CCDC88C: variants seen among roughly 807,000 people sequenced by gnomAD.
CCDC88C encodes the protein coiled-coil and HOOK domain protein 88C, also known as protein Daple.
CCDC88C carries 131 observed loss-of-function variants against 198.8 expected under a neutral mutation model. The ratio of observed to expected loss-of-function variants is 0.66; its 90% CI spans 0.57 to 0.76. The LOEUF is 0.76. Among genes scored for constraint, CCDC88C ranks in the 30% least tolerant of loss-of-function variants. CCDC88C has a pLI of 0.00. For missense variants in CCDC88C, 2,553 were observed against 2,631.6 expected, an observed-to-expected ratio of 0.97 and a Z score of 0.65; for synonymous variants, 1,166 against 1,114.7, an observed-to-expected ratio of 1.05 and a Z score of -0.92.
rs1468946501 is a variant in CCDC88C at position 91,307,052 on chromosome 14, C to T, written c.3181G>A (p.Glu1061Lys). ...ELLRVKDRAIELERNNAALQA... is the reference protein window; with the variant it reads ...ELLRVKDRAIKLERNNAALQA... ...AGCCCACTCACATTCCGCTCCAGCTCGATGGCCCGGTCCTTCACTCGGAGA... is the reference window on the plus strand; with the variant it reads ...AGCCCACTCACATTCCGCTCCAGCTTGATGGCCCGGTCCTTCACTCGGAGA... The change falls in exon 18 of 30, where the codon GAG becomes AAG. Residue 1061 changes from glutamate (E) to lysine (K), a missense_variant. Around this residue, in one of 2 missense-constraint regions of CCDC88C, gnomAD observed 1,260 missense variants for 1,412.0 expected, o/e 0.89. Coordinates refer to ENST00000389857, the MANE Select transcript of CCDC88C (RefSeq NM_001080414.4). 7.4e-6 allele frequency: 12 copies of T among 1,611,942 alleles called. No homozygotes were observed. The highest frequency in any genetic ancestry group is 6.7e-5 in the African/African-American group (5 of 75,034).
intron 4 of CCDC88C, among the ~76,000 whole-genome samples, chr14:91,354,580 C>T (rs1409956124): frequency 1.3e-5 from 2 of 152,212 alleles, no homozygotes; most frequent in African/African-American, 2.4e-5. Flanking sequence ...GAATGAATCT[C>T]ACTTGACCCT....
intron 10 of CCDC88C, among the ~76,000 whole-genome samples, chr14:91,335,369 C>T (rs1399105206): frequency 2.6e-5 from 4 of 152,260 alleles, no homozygotes; most frequent in Admixed American, 2.0e-4. Flanking sequence ...CACCTCTCAC[C>T]GTCCACCCAG....
chr14:91,285,497 A>G (rs1312190922), intron 25 of CCDC88C: 6 of 501,824 alleles, frequency 1.2e-5, no homozygotes, highest in African/African-American at 4.0e-5. Context: ...GTGACAACTC[A>G]TCTTCTATTT....
chr14:91,375,250 C>A (rs934427007), intron 3 of CCDC88C, among the ~76,000 whole-genome samples: 1 of 152,078 alleles, frequency 6.6e-6, no homozygotes, highest in Non-Finnish European at 1.5e-5. Flanking sequence ...GGTTAGCATG[C>A]GCGCGTGTCT....
rs1890892977 is a variant in CCDC88C, at chr14:91,294,153, T to C, written c.4112+20A>G. On this transcript the variant is annotated intron_variant, in intron 23 of 29. Coordinates refer to ENST00000389857, the MANE Select transcript of CCDC88C (RefSeq NM_001080414.4). The stretch of plus-strand genomic sequence containing the variant: ...GCTGTGGTGAGGGTGCGGAGAGGGG[T>C]TCAGGGACTCCCTGCTTACATGTAC... The C allele has an allele frequency of 3.7e-6, 6 of 1,613,122 alleles. No individual in the cohort carries two copies. Among genetic ancestry groups the C allele is most frequent in the African/African-American group, 1.3e-5 (1 of 74,982 alleles).
At chr14:91,307,883 A>G (rs1343188571) in intron 17 of CCDC88C, among the ~76,000 whole-genome samples, 1 of 152,234 alleles carries the variant, frequency 6.6e-6, no homozygotes, top group African/African-American at 2.4e-5. Context: ...GAGAGTGTGT[A>G]TGTGTGGAGA....
chr14:91,398,958 A>G (rs141360828), intron 3 of CCDC88C, among the ~76,000 whole-genome samples: 3 of 152,200 alleles, frequency 2.0e-5, no homozygotes, highest in Non-Finnish European at 2.9e-5. Context: ...CCCACAGCTG[A>G]GTGGTCTCCT....
At chr14:91,287,441 C>G (rs867804435) in intron 25 of CCDC88C, among the ~76,000 whole-genome samples, 16 of 152,226 alleles carry the variant, frequency 1.1e-4, no homozygotes, top group Middle Eastern at 3.4e-3. Flanking sequence ...GCCACGACCT[C>G]CTGGGCTCAA....
intron 3 of CCDC88C, among the ~76,000 whole-genome samples, chr14:91,389,732 A>AG (rs1885370465): frequency 6.6e-6 from 1 of 151,192 alleles, no homozygotes; most frequent in Admixed American, 6.6e-5. Context: ...AAATAAAAAA[A>AG]AAAAAAGAAA....
At chr14:91,376,883 C>G (rs1403082799) in intron 3 of CCDC88C, among the ~76,000 whole-genome samples, 2 of 152,240 alleles carry the variant, frequency 1.3e-5, no homozygotes, top group Non-Finnish European at 2.9e-5. Context: ...TGCCACAGCC[C>G]CGGCCACCCA....
intron 10 of CCDC88C, among the ~76,000 whole-genome samples, chr14:91,330,580 G>A (rs1892781396): frequency 6.6e-6 from 1 of 152,194 alleles, no homozygotes; most frequent in African/African-American, 2.4e-5. Flanking sequence ...ATGCTGGGAG[G>A]TGAGAAACAG....
Position 91,303,963 on chromosome 14 carries a change from G to C in CCDC88C, c.3373C>G (p.Leu1125Val). The C allele has an allele frequency of 6.2e-7, 1 of 1,603,036 alleles. No individual in the cohort carries two copies. Among genetic ancestry groups the C allele is most frequent in the South Asian group, 1.1e-5 (1 of 91,042 alleles). Residue 1125 changes from leucine to valine, a missense_variant, in exon 20 of 30, where the codon CTG (leucine) becomes GTG (valine). By Grantham distance (32) the Leu-to-Val change is conservative (BLOSUM62 1). Coordinates refer to ENST00000389857, the MANE Select transcript of CCDC88C (RefSeq NM_001080414.4). ...TAKLQVENST[L>V]SSQSAALTAQ... ...GTGAGCGCTGCGCTCTGGGAACTCA[G>C]CGTGGAGTTCTCCACCTGCCGAGAG...
chr14:91,289,481 C>T (rs1029083800), intron 24 of CCDC88C, 138 bp from the exon 25 acceptor site: 11 of 779,126 alleles, frequency 1.4e-5, no homozygotes, highest in African/African-American at 6.8e-5. Flanking sequence ...AGGACAATGA[C>T]GCTCATGACC....
intron 10 of CCDC88C, among the ~76,000 whole-genome samples, chr14:91,337,577 G>A (rs1596084601): frequency 6.6e-6 from 1 of 152,238 alleles, no homozygotes; most frequent in Admixed American, 6.5e-5. Flanking sequence ...CTGGCCTCAA[G>A]CGATCCTCCC....
In CCDC88C at chr14:91,297,463, C is replaced by A. The variant is rs753481225; in HGVS notation, c.3808G>T (p.Gly1270Trp). 1.4e-5 allele frequency: 22 copies of A among 1,567,402 alleles called. No homozygotes were observed. The highest frequency in any genetic ancestry group is 1.7e-4 in the Middle Eastern group (1 of 6,034). The change falls in exon 22 of 30, where the codon GGG (glycine) becomes TGG (tryptophan). Residue 1270 changes from glycine (G) to tryptophan (W), a missense_variant. This residue lies in a region of CCDC88C where 1,293 missense variants were observed against 1,219.6 expected (regional missense o/e 1.06). Transcript: ENST00000389857. ...RVNFLHHQLK[G>W]EYEELHAHTK... Reference sequence around the variant, plus strand: ...TGGGCGTGCAGCTCCTCGTACTCCCCCTTCAGCTGGTGGTGCAGGAAATTG... The same window carrying A: ...TGGGCGTGCAGCTCCTCGTACTCCCACTTCAGCTGGTGGTGCAGGAAATTG...
At position 91,289,096 on chromosome 14, in the gene CCDC88C, C is replaced by T. The variant is rs376820989; in HGVS notation, c.4441+9G>A. On this transcript the variant is annotated intron_variant, in intron 25 of 29. Coordinates refer to ENST00000389857, the MANE Select transcript of CCDC88C (RefSeq NM_001080414.4). ...CTCACCCGACCACGGCCAGGACGGC[C>T]GCCCCTACCTTTCCCCACAGACCCG... 30 of 1,608,734 alleles carry T rather than the reference C, an allele frequency of 1.9e-5. No individual in the cohort carries two copies. In the East Asian group the frequency reaches 4.0e-4, roughly 22 times the overall value.
chr14:91,396,370 C>T (rs748965690), intron 3 of CCDC88C, among the ~76,000 whole-genome samples: 2 of 152,196 alleles, frequency 1.3e-5, no homozygotes, highest in Non-Finnish European at 2.9e-5. Context: ...TCTCTCCTTT[C>T]TGTCACAAAA....
At chr14:91,345,977 T>C (rs1204365361) in intron 4 of CCDC88C, among the ~76,000 whole-genome samples, 1 of 152,170 alleles carries the variant, frequency 6.6e-6, no homozygotes, top group African/African-American at 2.4e-5. Context: ...TCCTATTGTA[T>C]TGAGGAAGAA....
intron 25 of CCDC88C, among the ~76,000 whole-genome samples, chr14:91,287,542 G>A (rs1022899171): frequency 6.6e-6 from 1 of 151,562 alleles, no homozygotes; most frequent in Non-Finnish European, 1.5e-5. Context: ...TCCCTGTGTT[G>A]CCCAGGCTAG....
Sources: gnomAD v4.1 joint callset for allele counts (sites outside exome capture counted in the v4.1 genomes callset) on GRCh38, gnomAD v4.1.1 for gene constraint, gnomAD v4.1.1 regional missense constraint, MANE v1.5 for transcripts, NCBI Gene and HGNC (gene_info 2026-07-23, HGNC 2026-07-21) for gene names.